Variants in MAD1L1 observed in about 807,000 individuals in gnomAD.
MAD1L1 encodes mitotic arrest deficient 1 like 1, also known as mitotic spindle assembly checkpoint protein MAD1.
MAD1L1 carries 95 observed loss-of-function variants against 96.9 expected under a neutral mutation model. That is an observed-to-expected ratio of 0.98 (90% CI 0.83 to 1.16). MAD1L1 has a LOEUF of 1.16. Among genes scored for constraint, MAD1L1 ranks in the 50% most tolerant of loss-of-function variants. MAD1L1 has a pLI of 0.00. For synonymous variants in MAD1L1, 473 were observed against 396.6 expected, an observed-to-expected ratio of 1.19 and a Z score of -2.29; for missense variants, 1,007 against 954.4, an observed-to-expected ratio of 1.06 and a Z score of -0.73.
intron 17 of MAD1L1, among the ~76,000 whole-genome samples, chr7:1,928,980 G>A (rs893758781): frequency 7.9e-5 from 12 of 152,274 alleles, no homozygotes; most frequent in East Asian, 1.9e-4. Flanking sequence ...GACACGCGCC[G>A]ATACAGACAG....
chr7:2,113,204 AGAAAACCGCCCTGGG>A (rs1176270139), intron 11 of MAD1L1, among the ~76,000 whole-genome samples: 1 of 152,172 alleles, frequency 6.6e-6, no homozygotes, highest in Non-Finnish European at 1.5e-5. Context: ...ACGGGCGGAC[AGAAAACCGCCCTGGG>A]GCCATGGTGA....
At chr7:2,156,162 C>T (rs112441056) in intron 10 of MAD1L1, among the ~76,000 whole-genome samples, 5,314 of 144,070 alleles carry the variant, frequency 0.037, 402 homozygotes, top group African/African-American at 0.13. Flanking sequence ...GCGAGGGGAG[C>T]GGGCGCACGG....
chr7:1,908,027 G>A (rs972854338), intron 17 of MAD1L1, among the ~76,000 whole-genome samples: 1 of 152,246 alleles, frequency 6.6e-6, no homozygotes. Flanking sequence ...AGGGTGAGAT[G>A]AAGGCTCTTA....
intron 11 of MAD1L1, among the ~76,000 whole-genome samples, chr7:2,074,027 G>A (rs1181165312): frequency 1.3e-5 from 2 of 152,160 alleles, no homozygotes; most frequent in Non-Finnish European, 2.9e-5. Context: ...ACAAGGAGAC[G>A]ACACTGTGGA....
intron 14 of MAD1L1, among the ~76,000 whole-genome samples, chr7:1,987,339 G>T (rs552884961): frequency 1.3e-5 from 2 of 152,344 alleles, no homozygotes; most frequent in East Asian, 1.9e-4. Flanking sequence ...ACGGGCACAC[G>T]GGTGGGCAGA....
intron 11 of MAD1L1, among the ~76,000 whole-genome samples, chr7:2,078,610 C>T (rs902469872): frequency 2.0e-5 from 3 of 152,192 alleles, no homozygotes; most frequent in African/African-American, 7.2e-5. Context: ...ACTCGGAGGC[C>T]GAGCCTCCTG....
intron 10 of MAD1L1, among the ~76,000 whole-genome samples, chr7:2,206,057 G>C (rs1250642205): frequency 2.0e-5 from 3 of 152,176 alleles, no homozygotes; most frequent in Non-Finnish European, 4.4e-5. Context: ...GCTTGAACCT[G>C]GGAGGCGGAG....
At chr7:1,914,927 A>T (rs1019524473) in intron 17 of MAD1L1, among the ~76,000 whole-genome samples, 12 of 152,144 alleles carry the variant, frequency 7.9e-5, no homozygotes, top group Admixed American at 2.0e-4. Flanking sequence ...GTGTTGAGTA[A>T]CTCAGTCAGT....
In MAD1L1 at chr7:2,232,530, G is replaced by A. The variant is rs371227623; in HGVS notation, c.-190+342C>T. Among the ~76,000 whole-genome samples the A allele has an allele frequency of 2.2e-3, 336 of 152,332 alleles. 3 individuals carry two copies. The highest frequency in any genetic ancestry group is 7.8e-3 in the African/African-American group (325 of 41,586). On this transcript the variant is annotated intron_variant, in intron 1 of 18. Transcript: ENST00000265854. Reference sequence around the variant, plus strand: ...GCACCCTAGCCCGGGGACCCACACGGTAGGCAGCGGGACCCCGGGGCTGGG... The same window carrying A: ...GCACCCTAGCCCGGGGACCCACACGATAGGCAGCGGGACCCCGGGGCTGGG...
At chr7:1,888,584 G>A (rs1400921758) in intron 18 of MAD1L1, among the ~76,000 whole-genome samples, 2 of 152,032 alleles carry the variant, frequency 1.3e-5, no homozygotes, top group South Asian at 2.1e-4. Context: ...ATGTGAGCAT[G>A]CATGCGTGCA....
At chr7:2,014,376 A>T in intron 13 of MAD1L1, 126 bp downstream of exon 13, 1 of 1,284,700 alleles carries the variant, frequency 7.8e-7, no homozygotes, top group Admixed American at 2.5e-5. Context: ...TCCCTGACAG[A>T]CACCTGCCAG....
intron 12 of MAD1L1, among the ~76,000 whole-genome samples, chr7:2,054,197 G>A (rs779271640): frequency 3.9e-5 from 6 of 152,234 alleles, no homozygotes; most frequent in Non-Finnish European, 5.9e-5. Flanking sequence ...ACCCATGGGC[G>A]GGTGGGGACA....
chr7:1,890,244 G>A (rs544300985), intron 18 of MAD1L1, among the ~76,000 whole-genome samples: 3 of 152,230 alleles, frequency 2.0e-5, no homozygotes, highest in Non-Finnish European at 4.4e-5. Flanking sequence ...TATTGAAATG[G>A]GATCCCCAAT....
intron 12 of MAD1L1, among the ~76,000 whole-genome samples, chr7:2,018,781 C>G (rs1489255820): frequency 6.6e-6 from 1 of 152,202 alleles, no homozygotes; most frequent in African/African-American, 2.4e-5. Flanking sequence ...CCCACTCCCG[C>G]CCGGCCTCTG....
chr7:2,065,189 T>G (rs1164802165), intron 12 of MAD1L1, among the ~76,000 whole-genome samples: 2 of 152,216 alleles, frequency 1.3e-5, no homozygotes, highest in Non-Finnish European at 2.9e-5. Context: ...ATTTAACTGT[T>G]TCTTAAACAG....
intron 11 of MAD1L1, among the ~76,000 whole-genome samples, chr7:2,123,982 C>T (rs564543061): frequency 6.6e-6 from 1 of 152,254 alleles, no homozygotes; most frequent in East Asian, 1.9e-4. Flanking sequence ...GGGCTTAGGC[C>T]CCGGGGGCAA....
At chr7:1,990,407 C>CG (rs1055272830) in intron 14 of MAD1L1, among the ~76,000 whole-genome samples, 5 of 152,176 alleles carry the variant, frequency 3.3e-5, no homozygotes, top group African/African-American at 9.7e-5. Context: ...AAGGAGGCCT[C>CG]GGGGGGATCT....
At chr7:1,948,325 C>T (rs891050381) in intron 16 of MAD1L1, among the ~76,000 whole-genome samples, 1 of 152,106 alleles carries the variant, frequency 6.6e-6, no homozygotes, top group African/African-American at 2.4e-5. Context: ...GAACCCCCTC[C>T]ACCCCCCAGT....
At chr7:2,005,844 G>A (rs903731383) in intron 13 of MAD1L1, among the ~76,000 whole-genome samples, 4 of 152,108 alleles carry the variant, frequency 2.6e-5, no homozygotes, top group African/African-American at 9.7e-5. Context: ...AAAAAAGTTC[G>A]TTTGTAACCG....
Sources: allele counts gnomAD v4.1 joint callset (sites outside exome capture counted in the v4.1 genomes callset), GRCh38; gene constraint gnomAD v4.1.1; transcripts MANE v1.5; gene names NCBI Gene and HGNC (gene_info 2026-07-23, HGNC 2026-07-21).